The following SAMMSON variants were observed in gnomAD, a reference collection of about 807,000 sequenced individuals.
SAMMSON encodes survival associated mitochondrial melanoma specific oncogenic non-coding RNA.
intron 4 of SAMMSON, among the ~76,000 whole-genome samples, chr3:70,192,577 C>G (rs1395913451): frequency 6.6e-6 from 1 of 152,204 alleles, no homozygotes; most frequent in African/African-American, 2.4e-5. Flanking sequence ...AACCCCTACT[C>G]TCTTGAAGGC....
intron 3 of SAMMSON, among the ~76,000 whole-genome samples, chr3:70,016,793 C>G (rs2066988025): frequency 6.6e-6 from 1 of 152,128 alleles, no homozygotes; most frequent in African/African-American, 2.4e-5. Context: ...CCACTTTCAG[C>G]TTTCTACATA....
intron 6 of SAMMSON, chr3:70,283,850 G>A (rs1702113438): frequency 6.6e-6 from 1 of 151,916 alleles, no homozygotes; most frequent in Non-Finnish European, 1.5e-5. Flanking sequence ...TCTGGATGGT[G>A]AGTACATAAT....
chr3:70,130,338 G>C (rs1047324528), intron 4 of SAMMSON, among the ~76,000 whole-genome samples: 8 of 152,180 alleles, frequency 5.3e-5, no homozygotes, highest in Non-Finnish European at 8.8e-5. Context: ...AATAAGACTT[G>C]AGGGTTTCAA....
intron 7 of SAMMSON, among the ~76,000 whole-genome samples, chr3:70,306,846 T>G (rs977159645): frequency 3.3e-5 from 5 of 152,194 alleles, no homozygotes; most frequent in African/African-American, 9.7e-5. Flanking sequence ...CTTCACATTT[T>G]TTAGGTCATA....
At chr3:70,339,797 C>T (rs1249706038) in intron 7 of SAMMSON, among the ~76,000 whole-genome samples, 3 of 152,140 alleles carry the variant, frequency 2.0e-5, no homozygotes, top group African/African-American at 7.2e-5. Context: ...CACTTTTACA[C>T]CATTGGTGGG....
chr3:70,169,649 T>TC (rs978893065), intron 4 of SAMMSON, among the ~76,000 whole-genome samples: 5 of 150,458 alleles, frequency 3.3e-5, no homozygotes, highest in Admixed American at 2.0e-4. Flanking sequence ...TTTTTTCTTT[T>TC]TTTTTTTTTC....
intron 3 of SAMMSON, among the ~76,000 whole-genome samples, chr3:70,036,214 A>C (rs1230826610): frequency 2.6e-5 from 4 of 152,162 alleles, no homozygotes; most frequent in Non-Finnish European, 5.9e-5. Flanking sequence ...ATATGCCTCT[A>C]TTCTAAGGCA....
chr3:70,203,696 TA>T (rs1264018808), intron 4 of SAMMSON, among the ~76,000 whole-genome samples: 1 of 152,164 alleles, frequency 6.6e-6, no homozygotes, highest in East Asian at 1.9e-4. Context: ...ATGGTGTAAT[TA>T]AGACTATTCT....
intron 7 of SAMMSON, among the ~76,000 whole-genome samples, chr3:70,301,276 T>A (rs1169751799): frequency 6.6e-6 from 1 of 152,122 alleles, no homozygotes; most frequent in Non-Finnish European, 1.5e-5. Flanking sequence ...TTTTAAATTT[T>A]AAGGTAAATC....
At chr3:70,123,190 T>A (rs2067442416) in intron 4 of SAMMSON, among the ~76,000 whole-genome samples, 1 of 152,214 alleles carries the variant, frequency 6.6e-6, no homozygotes, top group South Asian at 2.1e-4. Flanking sequence ...GTTCAAAGAT[T>A]CTACTGATGC....
chr3:70,007,978 G>C (rs2066935711), intron 1 of SAMMSON, among the ~76,000 whole-genome samples: 1 of 151,982 alleles, frequency 6.6e-6, no homozygotes, highest in African/African-American at 2.4e-5. Flanking sequence ...TTATTTCTAA[G>C]GGCTCTGTTC....
At chr3:70,083,757 C>G (rs765438632) in intron 4 of SAMMSON, among the ~76,000 whole-genome samples, 4 of 152,132 alleles carry the variant, frequency 2.6e-5, no homozygotes, top group African/African-American at 9.7e-5. Context: ...TGACTTCCTT[C>G]CCTGCATTGA....
intron 4 of SAMMSON, among the ~76,000 whole-genome samples, chr3:70,091,969 T>G (rs543027073): frequency 2.0e-5 from 3 of 151,670 alleles, no homozygotes; most frequent in Non-Finnish European, 2.9e-5. Flanking sequence ...AATTAAGGGG[T>G]TTTTTTTGTT....
chr3:70,288,704 G>T (rs1702193920), intron 6 of SAMMSON, among the ~76,000 whole-genome samples: 1 of 151,904 alleles, frequency 6.6e-6, no homozygotes, highest in East Asian at 1.9e-4. Flanking sequence ...AAGTCTCTTT[G>T]TAGGTCACTC....
At chr3:70,254,730 C>T (rs77089641) in intron 6 of SAMMSON, among the ~76,000 whole-genome samples, 2,614 of 152,222 alleles carry the variant, frequency 0.017, 75 homozygotes, top group African/African-American at 0.059. Flanking sequence ...TCTGTCATGA[C>T]GCACTCTACT....
intron 3 of SAMMSON, among the ~76,000 whole-genome samples, chr3:70,065,680 G>A (rs2067207062): frequency 6.6e-6 from 1 of 152,012 alleles, no homozygotes; most frequent in Non-Finnish European, 1.5e-5. Context: ...ACATCTGGGG[G>A]AGGATGCTAT....
At chr3:70,412,214 A>C (rs764095683) in intron 2 of SAMMSON, among the ~76,000 whole-genome samples, 19 of 152,198 alleles carry the variant, frequency 1.2e-4, no homozygotes, top group Non-Finnish European at 2.2e-4. Context: ...GTGATCAGAC[A>C]GACTTCCTTA....
rs918491535 is a variant in SAMMSON, at chr3:70,300,841, C to A, written n.739+9598C>A. ...CAGAATGTAGAGGTTTAAAGCTATACCAAATTTGGACACTCCAAGGTATTC... is the reference window on the plus strand; with the variant it reads ...CAGAATGTAGAGGTTTAAAGCTATAACAAATTTGGACACTCCAAGGTATTC... On this transcript the variant is annotated intron_variant and non_coding_transcript_variant, in intron 7 of 9. Coordinates refer to ENST00000642114, the Ensembl canonical transcript of SAMMSON. Among the ~76,000 whole-genome samples the A allele has an allele frequency of 2.6e-5, 4 of 151,860 alleles. 1 individual carries two copies. Among genetic ancestry groups the A allele is most frequent in the Non-Finnish European group, 2.9e-5 (2 of 67,948 alleles).
chr3:70,101,187 T>C (rs2067344500), intron 4 of SAMMSON, among the ~76,000 whole-genome samples: 1 of 152,110 alleles, frequency 6.6e-6, no homozygotes, highest in African/African-American at 2.4e-5. Flanking sequence ...AGCTACCCCC[T>C]CCTCCAAATT....
Sources: allele counts gnomAD v4.1 joint callset (sites outside exome capture counted in the v4.1 genomes callset), GRCh38; gene constraint gnomAD v4.1.1; transcripts MANE v1.5; gene names NCBI Gene and HGNC (gene_info 2026-07-23, HGNC 2026-07-21).